Variants in PALM observed in about 807,000 individuals in gnomAD.
The protein encoded by PALM is paralemmin-1.
In PALM, 18 loss-of-function variants were observed where a neutral mutation model predicts 30.7. The observed-to-expected ratio is 0.59, with a 90% CI of 0.41 to 0.87. PALM has a LOEUF of 0.87. Among genes scored for constraint, PALM ranks in the 40% least tolerant of loss-of-function variants. PALM has a pLI of 0.00. For missense variants in PALM, 529 were observed against 555.4 expected (o/e 0.95, Z 0.48); for synonymous variants, 286 against 242.8 (o/e 1.18, Z -1.66).
intron 8 of PALM, among the ~76,000 whole-genome samples, chr19:744,885 C>CA (rs796441701): frequency 0.037 from 3,749 of 100,070 alleles, 158 homozygotes; most frequent in African/African-American, 0.11. Context: ...CAGAGGGAGT[C>CA]AAAAAAAAAA....
intron 1 of PALM, among the ~76,000 whole-genome samples, chr19:724,060 G>A (rs1404432369): frequency 6.6e-6 from 1 of 152,158 alleles, no homozygotes; most frequent in East Asian, 1.9e-4. Context: ...TGTGAACCAC[G>A]GGGCTGCAGA....
At chr19:728,161 CGCAGGAAGCTCGGGCGGGG>C (rs1274227554) in intron 4 of PALM, among the ~76,000 whole-genome samples, 1 of 152,102 alleles carries the variant, frequency 6.6e-6, no homozygotes, top group African/African-American at 2.4e-5. Context: ...CAGCTGGGCC[CGCAGGAAGCTCGGGCGGGG>C]GCAGGAAGGG....
intron 1 of PALM, among the ~76,000 whole-genome samples, chr19:718,629 G>T (rs2032350096): frequency 6.6e-6 from 1 of 152,128 alleles, no homozygotes; most frequent in South Asian, 2.1e-4. Flanking sequence ...CTCCCCCGGG[G>T]TGATGCCTCT....
chr19:724,723 C>T (rs2032605025), intron 1 of PALM, among the ~76,000 whole-genome samples: 2 of 152,012 alleles, frequency 1.3e-5, no homozygotes, highest in South Asian at 4.1e-4. Flanking sequence ...CTCAAGCAGT[C>T]CTCCCACCTT....
At chr19:720,067 C>T (rs1375840611) in intron 1 of PALM, among the ~76,000 whole-genome samples, 1 of 152,022 alleles carries the variant, frequency 6.6e-6, no homozygotes, top group Non-Finnish European at 1.5e-5. Flanking sequence ...GACGGGGACC[C>T]CCCTCCCCTC....
Position 740,376 on chromosome 19 carries a change from TGGA to T in PALM, c.529_531del (p.Glu177del). On this transcript the variant is annotated inframe_deletion, in exon 8 of 9. Transcript: ENST00000338448. The stretch of plus-strand genomic sequence containing the variant: ...GCCATGTACTCGGTTGAGATCACTG[TGGA>T]GAAGGACAAGGTGACAGGGGAGACC... 1.9e-6 allele frequency: 3 copies of T among 1,565,360 alleles called. No homozygotes were observed. The highest frequency in any genetic ancestry group is 2.6e-6 in the Non-Finnish European group (3 of 1,154,612).
chr19:714,071 A>T (rs1261087255), intron 1 of PALM, among the ~76,000 whole-genome samples: 2 of 149,926 alleles, frequency 1.3e-5, no homozygotes, highest in South Asian at 2.1e-4. Context: ...CACCCAGCTA[A>T]TTTTTTTGTA....
At chr19:719,468 G>T in intron 1 of PALM, 1 of 985,300 alleles carries the variant, frequency 1.0e-6, no homozygotes, top group Non-Finnish European at 1.2e-6. Context: ...GCGCGCCGGG[G>T]TGGGCGTCGG....
intron 8 of PALM, among the ~76,000 whole-genome samples, chr19:744,847 C>G (rs1163498553): frequency 5.1e-5 from 7 of 136,152 alleles, no homozygotes; most frequent in African/African-American, 1.9e-4. Flanking sequence ...TGAGCTGAGA[C>G]TGCGCCACTG....
intron 5 of PALM, 52 bp from the exon 6 acceptor site, chr19:734,121 C>T: frequency 6.2e-7 from 1 of 1,600,002 alleles, no homozygotes; most frequent in Admixed American, 1.7e-5. Context: ...GGCTCCCCTT[C>T]CTCTTCCCGG....
At chr19:712,245 A>G (rs1192988405) in intron 1 of PALM, among the ~76,000 whole-genome samples, 1 of 149,000 alleles carries the variant, frequency 6.7e-6, no homozygotes, top group East Asian at 2.0e-4. Flanking sequence ...CTGGTCTTGA[A>G]CTCCTGACCT....
intron 5 of PALM, 53 bp downstream of exon 5, chr19:731,298 C>T (rs2032868238): frequency 1.3e-6 from 2 of 1,487,888 alleles, no homozygotes; most frequent in Non-Finnish European, 1.8e-6. Flanking sequence ...CCCGCTGGCC[C>T]CAGAGCGAGG....
At chr19:738,755 C>T (rs539644330) in intron 7 of PALM, among the ~76,000 whole-genome samples, 3 of 152,232 alleles carry the variant, frequency 2.0e-5, no homozygotes, top group East Asian at 1.9e-4. Flanking sequence ...GGGCCGCAGC[C>T]GGGCCTAAGC....
At chr19:726,934 G>A in intron 2 of PALM, 74 bp from the exon 3 acceptor site, 2 of 948,634 alleles carry the variant, frequency 2.1e-6, no homozygotes, top group Non-Finnish European at 3.3e-6. Context: ...GGGCTGGGCA[G>A]AGCCTTGTGT....
intron 1 of PALM, among the ~76,000 whole-genome samples, chr19:717,731 G>A (rs935597288): frequency 3.3e-5 from 5 of 152,026 alleles, no homozygotes; most frequent in East Asian, 3.9e-4. Context: ...TGGGAGTGGC[G>A]GGAGTGTGAG....
rs767203835 is a variant in PALM, at chr19:746,276, C to T, written c.635-9C>T. The T allele has an allele frequency of 1.2e-6, 2 of 1,610,064 alleles. No individual in the cohort carries two copies. Among genetic ancestry groups the T allele is most frequent in the East Asian group, 2.2e-5 (1 of 44,864 alleles). On this transcript the variant is annotated splice_polypyrimidine_tract_variant and intron_variant, in intron 8 of 8. Coordinates refer to ENST00000338448, the MANE Select transcript of PALM (RefSeq NM_002579.3). The surrounding 1 kb of genome is among the most constrained non-coding windows in gnomAD (Gnocchi z 7.1). The stretch of plus-strand genomic sequence containing the variant: ...AGCTGGGTCATTCTCTCTGTCTCTC[C>T]TTGTACAGTGGTCCATGCTGTGGAC...
Position 740,501 on chromosome 19 carries a change from C to T in PALM, c.634+18C>T. On this transcript the variant is annotated intron_variant, in intron 8 of 8. Transcript: ENST00000338448. ...GACCAAAGGTACGAGCACCCCGGCC[C>T]CTGCCCTCCCTCCACCTGGGCCAGA... The T allele has an allele frequency of 6.5e-7, 1 of 1,544,444 alleles. No homozygotes were observed. The highest frequency in any genetic ancestry group is 8.8e-7 in the Non-Finnish European group (1 of 1,142,580).
At chr19:719,068 CT>C in intron 1 of PALM, 1 of 981,372 alleles carries the variant, frequency 1.0e-6, no homozygotes, top group Non-Finnish European at 1.2e-6. Flanking sequence ...ACCGTCAGCT[CT>C]TTCCTTTCAA....
intron 1 of PALM, among the ~76,000 whole-genome samples, chr19:723,197 G>A (rs1007624953): frequency 4.6e-5 from 7 of 152,128 alleles, no homozygotes; most frequent in African/African-American, 1.7e-4. Flanking sequence ...CTGTGCCTCC[G>A]TGTTTGCGTG....
Sources: gnomAD v4.1 joint callset for allele counts (sites outside exome capture counted in the v4.1 genomes callset) on GRCh38, gnomAD v4.1.1 for gene constraint, Gnocchi (gnomAD v3.1) non-coding constraint, MANE v1.5 for transcripts, NCBI Gene and HGNC (gene_info 2026-07-23, HGNC 2026-07-21) for gene names.